BBS4: variants seen among roughly 807,000 people sequenced by gnomAD.
BBS4 encodes the protein BBSome complex member BBS4.
In BBS4, 58 loss-of-function variants were observed where a neutral mutation model predicts 71.4. The observed-to-expected ratio is 0.81, with a 90% CI of 0.66 to 1.01. The LOEUF is 1.01. Ranked by LOEUF, BBS4 falls within the 50% of genes least tolerant of loss-of-function variation. The pLI, the probability that BBS4 is intolerant of heterozygous loss-of-function variation, is 0.00. For synonymous variants in BBS4, 228 were observed against 216.8 expected, an observed-to-expected ratio of 1.05 and a Z score of -0.46; for missense variants, 660 against 607.9, an observed-to-expected ratio of 1.09 and a Z score of -0.90.
chr15:72,725,241 A>AT (rs1046448481), intron 8 of BBS4, among the ~76,000 whole-genome samples: 1 of 151,710 alleles, frequency 6.6e-6, no homozygotes, highest in Non-Finnish European at 1.5e-5. Context: ...AAAAAAAAAA[A>AT]CTGTTTTTGT....
At chr15:72,729,894 C>T (rs1347387096) in intron 10 of BBS4, among the ~76,000 whole-genome samples, 1 of 152,156 alleles carries the variant, frequency 6.6e-6, no homozygotes, top group Admixed American at 6.5e-5. Context: ...TTATAATAGA[C>T]GTGTAACCCC....
At chr15:72,707,689 G>A (rs1268360538) in intron 2 of BBS4, among the ~76,000 whole-genome samples, 1 of 152,046 alleles carries the variant, frequency 6.6e-6, no homozygotes, top group African/African-American at 2.4e-5. Flanking sequence ...CCTTCCTTGA[G>A]ATCTTCACTA....
intron 7 of BBS4, 137 bp downstream of exon 7, chr15:72,722,984 T>C: frequency 1.4e-6 from 1 of 733,804 alleles, no homozygotes; most frequent in South Asian, 1.6e-5. Context: ...TATACATTTT[T>C]TTCTGTTTTA....
At chr15:72,686,623 A>G in intron 1 of BBS4, 2 of 1,253,144 alleles carry the variant, frequency 1.6e-6, no homozygotes, top group South Asian at 1.3e-5. Context: ...GGAATTTAAC[A>G]TGCCTGGAAG....
chr15:72,695,963 A>T (rs2065069383), intron 2 of BBS4, among the ~76,000 whole-genome samples: 1 of 152,180 alleles, frequency 6.6e-6, no homozygotes, highest in East Asian at 1.9e-4. Flanking sequence ...CTCTTGTAGG[A>T]TGTAGCATTC....
Position 72,715,313 on chromosome 15 carries a change from AAAT to A in BBS4, c.245_247del (p.Asn82del), listed in dbSNP as rs2065448234. 1 of 1,613,164 alleles carries A rather than the reference AAAT, an allele frequency of 6.2e-7. No homozygotes were observed. The highest frequency in any genetic ancestry group is 1.3e-5 in the African/African-American group (1 of 74,884). On this transcript the variant is annotated inframe_deletion, in exon 5 of 16. Coordinates refer to ENST00000268057, the MANE Select transcript of BBS4 (RefSeq NM_033028.5). ...CAGCATTGATATTTCGCCTAGAAGG[AAAT>A]ATCCAAGAATCCCTAGAACTCTTCC...
chr15:72,692,658 C>T (rs1030538235), intron 1 of BBS4, among the ~76,000 whole-genome samples: 12 of 148,226 alleles, frequency 8.1e-5, no homozygotes, highest in African/African-American at 3.0e-4. Context: ...TGCAGTGGTC[C>T]AATCATGGCT....
intron 15 of BBS4, among the ~76,000 whole-genome samples, chr15:72,737,245 T>A (rs2065944211): frequency 6.6e-6 from 1 of 152,242 alleles, no homozygotes; most frequent in Non-Finnish European, 1.5e-5. Context: ...TTATGCAATG[T>A]TTAATTTTTA....
intron 1 of BBS4, among the ~76,000 whole-genome samples, chr15:72,689,479 T>C (rs1313996757): frequency 6.6e-6 from 1 of 152,222 alleles, no homozygotes; most frequent in Admixed American, 6.5e-5. Flanking sequence ...ATGCCTGTAA[T>C]GCCAGGACTT....
chr15:72,708,245 C>T (rs1409065822), intron 2 of BBS4, among the ~76,000 whole-genome samples: 1 of 152,106 alleles, frequency 6.6e-6, no homozygotes, highest in Non-Finnish European at 1.5e-5. Context: ...GGATTACAGG[C>T]GTGAGCCACT....
intron 6 of BBS4, among the ~76,000 whole-genome samples, chr15:72,721,255 C>T (rs1456080360): frequency 2.6e-5 from 4 of 151,950 alleles, no homozygotes; most frequent in Admixed American, 6.5e-5. Context: ...TACTTTTTTT[C>T]GAGTGTGACG....
chr15:72,725,654 CT>C (rs1157028945), intron 8 of BBS4, among the ~76,000 whole-genome samples: 1 of 151,860 alleles, frequency 6.6e-6, no homozygotes, highest in African/African-American at 2.4e-5. Flanking sequence ...AGACCAGTAT[CT>C]TTTTTCCCCC....
chr15:72,704,273 A>G (rs926352465), intron 2 of BBS4: 9 of 386,798 alleles, frequency 2.3e-5, no homozygotes, highest in Non-Finnish European at 9.8e-6. Flanking sequence ...GGCTCCTGAA[A>G]TGTAGCATTG....
At chr15:72,691,732 G>A (rs1340729860) in intron 1 of BBS4, among the ~76,000 whole-genome samples, 4 of 152,116 alleles carry the variant, frequency 2.6e-5, no homozygotes, top group African/African-American at 9.7e-5. Flanking sequence ...TTGGGAGGCC[G>A]AGGCTGCGGA....
intron 2 of BBS4, among the ~76,000 whole-genome samples, chr15:72,705,009 C>A (rs550507851): frequency 6.6e-6 from 1 of 152,156 alleles, no homozygotes; most frequent in Non-Finnish European, 1.5e-5. Flanking sequence ...TTAGGTAATA[C>A]GATACAACTC....
intron 2 of BBS4, among the ~76,000 whole-genome samples, chr15:72,703,041 G>A (rs1308276226): frequency 6.6e-6 from 1 of 151,212 alleles, no homozygotes; most frequent in Admixed American, 6.6e-5. Context: ...TCGATCTCCT[G>A]ACCTCGTGAT....
chr15:72,736,700 G>A lies in BBS4; in HGVS notation c.1249-62G>A, dbSNP rs2065930839. 6 of 1,547,294 alleles carry A rather than the reference G, an allele frequency of 3.9e-6. No homozygotes were observed. In the South Asian group the frequency reaches 5.6e-5, roughly 14 times the overall value. On this transcript the variant is annotated intron_variant, in intron 14 of 15. Coordinates refer to ENST00000268057, the MANE Select transcript of BBS4 (RefSeq NM_033028.5). ...AAACCCCAGCTCGAAGACCAAAGAA[G>A]TGGGTTGGCTTGTCTCTGACAGTCA...
chr15:72,701,621 A>G (rs1164779401), intron 2 of BBS4, among the ~76,000 whole-genome samples: 1 of 152,214 alleles, frequency 6.6e-6, no homozygotes, highest in African/African-American at 2.4e-5. Context: ...GTGCATAGAA[A>G]TTCCTTGAAA....
chr15:72,714,808 A>G (rs1230794994), intron 4 of BBS4, among the ~76,000 whole-genome samples: 1 of 152,200 alleles, frequency 6.6e-6, no homozygotes. Context: ...TCTGGTTCTA[A>G]TTGGTTGTTA....
Sources: gnomAD v4.1 joint callset for allele counts (sites outside exome capture counted in the v4.1 genomes callset) on GRCh38, gnomAD v4.1.1 for gene constraint, MANE v1.5 for transcripts, NCBI Gene and HGNC (gene_info 2026-07-23, HGNC 2026-07-21) for gene names.